The following PCBP3 variants were observed in gnomAD, a reference collection of about 807,000 sequenced individuals.
PCBP3 encodes poly(rC)-binding protein 3.
PCBP3 carries 25 observed loss-of-function variants against 52.7 expected under a neutral mutation model. The ratio of observed to expected loss-of-function variants is 0.47; its 90% CI spans 0.35 to 0.66. The LOEUF (loss-of-function observed/expected upper bound fraction) is 0.66, where lower values mean the gene tolerates loss of function less well. Among genes scored for constraint, PCBP3 ranks in the 30% least tolerant of loss-of-function variants. The probability of loss-of-function intolerance (pLI) is 0.01; values close to 1 mark genes in which losing one functional copy is unlikely to be tolerated. For missense variants in PCBP3, 391 were observed against 490.3 expected, an observed-to-expected ratio of 0.80 and a Z score of 1.91; for synonymous variants, 162 against 183.0, an observed-to-expected ratio of 0.89 and a Z score of 0.93.
chr21:45,849,963 C>A lies in PCBP3; in HGVS notation c.-123C>A. On this transcript the variant is annotated splice_region_variant and 5_prime_UTR_variant, in exon 5 of 18. Transcript: ENST00000681687. ...AGCCCTGTGTTTTTGTGTTTTAGGT[C>A]GGTAGGCTCCACGACAAAAGTCAAC... 1.1e-6 allele frequency: 1 copy of A among 903,142 alleles called. No homozygotes were observed. The highest frequency in any genetic ancestry group is 1.8e-6 in the Non-Finnish European group (1 of 557,178). 55.9% of individuals were successfully genotyped at this position (903,142 alleles called of 1,614,324 possible). A position where few individuals can be genotyped will look rare whatever the true frequency, so the allele number is the denominator to read the frequency against.
intron 2 of PCBP3, among the ~76,000 whole-genome samples, chr21:45,673,311 C>T (rs934912664): frequency 6.6e-5 from 10 of 152,104 alleles, no homozygotes; most frequent in African/African-American, 2.2e-4. Flanking sequence ...TCTAAGCAGA[C>T]GTCACAAAGG....
intron 4 of PCBP3, among the ~76,000 whole-genome samples, chr21:45,807,027 C>T (rs1001111758): frequency 4.6e-5 from 7 of 152,152 alleles, no homozygotes; most frequent in Non-Finnish European, 8.8e-5. Context: ...TCAAGAAAGT[C>T]AGCTTTAAAA....
chr21:45,719,558 TC>T (rs1739141518), intron 2 of PCBP3, among the ~76,000 whole-genome samples: 1 of 152,060 alleles, frequency 6.6e-6, no homozygotes, highest in African/African-American at 2.4e-5. Context: ...GGGGTGATTT[TC>T]CCCATGCTGT....
chr21:45,909,013 T>C (rs2149220771), intron 9 of PCBP3, among the ~76,000 whole-genome samples: 1 of 152,076 alleles, frequency 6.6e-6, no homozygotes, highest in East Asian at 1.9e-4. Context: ...CCAGCCTCCA[T>C]TCTCCCCTCC....
chr21:45,678,298 T>TC (rs1407171678), intron 2 of PCBP3, among the ~76,000 whole-genome samples: 1 of 144,082 alleles, frequency 6.9e-6, no homozygotes, highest in South Asian at 2.2e-4. Flanking sequence ...AGAGCGAGAC[T>TC]CCATCTCAAA....
At chr21:45,906,421 G>T (rs565213470) in intron 9 of PCBP3, among the ~76,000 whole-genome samples, 33 of 151,816 alleles carry the variant, frequency 2.2e-4, no homozygotes, top group Admixed American at 5.9e-4. Context: ...TCGGGCCGGG[G>T]AGGCCTTTGG....
chr21:45,804,591 T>A (rs552863726), intron 4 of PCBP3, among the ~76,000 whole-genome samples: 63 of 152,106 alleles, frequency 4.1e-4, no homozygotes, highest in Non-Finnish European at 7.5e-4. Context: ...TGTCCCTTGG[T>A]CCATTGCCTG....
intron 4 of PCBP3, among the ~76,000 whole-genome samples, chr21:45,809,035 G>T (rs2092600065): frequency 1.3e-5 from 2 of 152,098 alleles, no homozygotes; most frequent in Admixed American, 1.3e-4. Flanking sequence ...ACCAGGGCCT[G>T]TTGGGGGGTG....
chr21:45,857,667 C>T (rs1336073618), intron 5 of PCBP3, among the ~76,000 whole-genome samples: 5 of 152,214 alleles, frequency 3.3e-5, no homozygotes, highest in Admixed American at 1.3e-4. Flanking sequence ...ACCCCAGCCA[C>T]CCTGGGCACA....
chr21:45,925,616 C>A (rs2075298724), intron 13 of PCBP3, among the ~76,000 whole-genome samples: 1 of 149,798 alleles, frequency 6.7e-6, no homozygotes, highest in African/African-American at 2.5e-5. Flanking sequence ...AGCATAAGAA[C>A]CCAGAAAAAA....
intron 13 of PCBP3, among the ~76,000 whole-genome samples, chr21:45,925,265 A>G (rs1349592529): frequency 6.6e-6 from 1 of 152,226 alleles, no homozygotes; most frequent in Non-Finnish European, 1.5e-5. Context: ...GAAGACACTG[A>G]GTGTAGACTC....
At chr21:45,688,365 G>A (rs1461900792) in intron 2 of PCBP3, among the ~76,000 whole-genome samples, 2 of 152,072 alleles carry the variant, frequency 1.3e-5, no homozygotes, top group Non-Finnish European at 2.9e-5. Flanking sequence ...TCAATAATAA[G>A]GTTATTGATA....
chr21:45,803,590 G>GCC (rs1241981331), intron 4 of PCBP3, among the ~76,000 whole-genome samples: 1 of 152,200 alleles, frequency 6.6e-6, no homozygotes, highest in Non-Finnish European at 1.5e-5. Flanking sequence ...TTCCCATGAA[G>GCC]TTTAAATGCA....
chr21:45,875,279 G>T (rs974894964), intron 5 of PCBP3, among the ~76,000 whole-genome samples: 1 of 152,178 alleles, frequency 6.6e-6, no homozygotes, highest in Non-Finnish European at 1.5e-5. Context: ...TGGGGCTGGG[G>T]GCCCCTCCGT....
Position 45,791,163 on chromosome 21 carries a change from G to A in PCBP3, c.-126+35711G>A, listed in dbSNP as rs770511449. ...AGCCCCTCACAACAAGGCTGTGTTG[G>A]TCGTCAGCCCAGCGTGGGAAGGGGG... On this transcript the variant is annotated intron_variant, in intron 4 of 17. Coordinates refer to ENST00000681687, the MANE Select transcript of PCBP3 (RefSeq NM_001384156.1). The surrounding 1 kb of genome is among the most constrained non-coding windows in gnomAD (Gnocchi z 4.2). Among the ~76,000 whole-genome samples, 3 of 152,194 alleles carry A rather than the reference G, an allele frequency of 2.0e-5. No individual in the cohort carries two copies. Among genetic ancestry groups the A allele is most frequent in the Non-Finnish European group, 4.4e-5 (3 of 68,028 alleles).
At chr21:45,895,992 C>T (rs1569460856) in intron 5 of PCBP3, among the ~76,000 whole-genome samples, 1 of 152,248 alleles carries the variant, frequency 6.6e-6, no homozygotes, top group South Asian at 2.1e-4. Flanking sequence ...AGGAGGGAGG[C>T]AGCCGTGGGG....
At chr21:45,720,876 C>T (rs1009908497) in intron 2 of PCBP3, among the ~76,000 whole-genome samples, 2 of 152,232 alleles carry the variant, frequency 1.3e-5, no homozygotes, top group Non-Finnish European at 2.9e-5. Context: ...TTGACTTCAA[C>T]GTGAGCTCCT....
Position 45,941,785 on chromosome 21 carries a change from C to A in PCBP3, c.*79C>A. On this transcript the variant is annotated 3_prime_UTR_variant, in exon 18 of 18. Transcript: ENST00000681687. The stretch of plus-strand genomic sequence containing the variant: ...CGGCTCTCGCACTCTGTACAGCCCA[C>A]CTTCCCTGCCTCACAGATACCAATA... 2 of 1,124,592 alleles carry A rather than the reference C, an allele frequency of 1.8e-6. No individual in the cohort carries two copies. The highest frequency in any genetic ancestry group is 1.5e-5 in the South Asian group (1 of 65,294). 69.7% of individuals were successfully genotyped at this position (1,124,592 alleles called of 1,614,324 possible). A position where few individuals can be genotyped will look rare whatever the true frequency, so the allele number is the denominator to read the frequency against.
rs143137139 is a variant in PCBP3 at position 45,748,582 on chromosome 21, C to A, written c.-161-6835C>A. Reference sequence around the variant, plus strand: ...TTGACTTTACCCACCTGTTTCCCAGCCTCTGCCCTTGCAGCAAACCCAAGA... The same window carrying A: ...TTGACTTTACCCACCTGTTTCCCAGACTCTGCCCTTGCAGCAAACCCAAGA... On this transcript the variant is annotated intron_variant, in intron 3 of 17. Coordinates refer to ENST00000681687, the MANE Select transcript of PCBP3 (RefSeq NM_001384156.1). Among the ~76,000 whole-genome samples the A allele has an allele frequency of 8.5e-5, 13 of 152,354 alleles. No homozygotes were observed. The East Asian group carries it at 2.5e-3, about 29-fold the overall frequency.
Sources: gnomAD v4.1 joint callset for allele counts (sites outside exome capture counted in the v4.1 genomes callset) on GRCh38, gnomAD v4.1.1 for gene constraint, Gnocchi (gnomAD v3.1) non-coding constraint, MANE v1.5 for transcripts, NCBI Gene and HGNC (gene_info 2026-07-23, HGNC 2026-07-21) for gene names.